The following ZNF550 variants were observed in gnomAD, a reference collection of about 807,000 sequenced individuals.
ZNF550 encodes zinc finger protein 550.
In ZNF550, 42 loss-of-function variants were observed where a neutral mutation model predicts 40.2. The observed-to-expected ratio is 1.05, with a 90% CI of 0.82 to 1.35. ZNF550 has a LOEUF of 1.35. Ranked by LOEUF, ZNF550 falls within the 40% of genes most tolerant of loss-of-function variation. The pLI, the probability that ZNF550 is intolerant of heterozygous loss-of-function variation, is 0.00. For missense variants in ZNF550, 549 were observed against 525.2 expected, an observed-to-expected ratio of 1.05 and a Z score of -0.44; for synonymous variants, 223 against 198.6, an observed-to-expected ratio of 1.12 and a Z score of -1.03.
At chr19:57,549,028 C>T (rs991144645) in intron 3 of ZNF550, among the ~76,000 whole-genome samples, 1 of 152,034 alleles carries the variant, frequency 6.6e-6, no homozygotes, top group African/African-American at 2.4e-5. Context: ...TAGGATCCTA[C>T]TCCATGGAGT....
At chr19:57,544,155 C>T in intron 4 of ZNF550, 1 of 985,392 alleles carries the variant, frequency 1.0e-6, no homozygotes, top group Non-Finnish European at 1.2e-6. Context: ...CCCAGCCATC[C>T]ACTGCATCCC....
chr19:57,543,152 C>T, exon 5 of ZNF550: 21 of 752,562 alleles, frequency 2.8e-5, no homozygotes, highest in South Asian at 6.1e-5. Flanking sequence ...TTCCTTCTTG[C>T]TTCTTTCATT....
intron 4 of ZNF550, chr19:57,544,524 G>C: frequency 1.0e-6 from 1 of 985,356 alleles, no homozygotes; most frequent in African/African-American, 1.7e-5. Flanking sequence ...GATGCAGGAG[G>C]GTGGGGGTCC....
exon 2 of ZNF550, chr19:57,556,329 A>G: frequency 6.2e-7 from 1 of 1,614,056 alleles, no homozygotes; most frequent in Non-Finnish European, 8.5e-7. Context: ...GGTAAAGGTC[A>G]CAGCCACATC....
rs187745266 is a variant in ZNF550 at position 57,552,994 on chromosome 19, G to A, written c.155-272C>T. On this transcript the variant is annotated intron_variant, in intron 2 of 4. Transcript: ENST00000457177. The stretch of plus-strand genomic sequence containing the variant: ...AATTAAAATTAAATGAGGCCACAAG[G>A]GTGGAGCCTTAATCTGATAAAATTA... The A allele has an allele frequency of 2.7e-4, 98 of 363,374 alleles. No homozygotes were observed. The East Asian group carries it at 2.9e-3, about 11-fold the overall frequency. 22.5% of individuals were successfully genotyped at this position (363,374 alleles called of 1,614,324 possible).
At chr19:57,558,652 T>A (rs1479084554) in intron 1 of ZNF550, among the ~76,000 whole-genome samples, 1 of 152,046 alleles carries the variant, frequency 6.6e-6, no homozygotes, top group Non-Finnish European at 1.5e-5. Context: ...CCAAAGAGAC[T>A]CTGGTCAGCT....
rs974319691 is a variant in ZNF550 at position 57,546,067 on chromosome 19, TTGCACATTTTAATGTGG to T, written c.*518+373_*518+389del. ...TCAAAGCCTTAAACAGTCTTAGGTATTGCACATTTTAATGTGGTGCACATTTTAATGTGGCCATCTGT... is the reference window on the plus strand; with the variant it reads ...TCAAAGCCTTAAACAGTCTTAGGTATTGCACATTTTAATGTGGCCATCTGT... On this transcript the variant is annotated intron_variant, in intron 4 of 4. Transcript: ENST00000457177. 1.3e-4 allele frequency among the ~76,000 whole-genome samples: 20 copies of T among 152,304 alleles called. No homozygotes were observed. The East Asian group carries it at 1.5e-3, about 12-fold the overall frequency.
intron 1 of ZNF550, among the ~76,000 whole-genome samples, chr19:57,558,986 A>G (rs2090145831): frequency 6.6e-6 from 1 of 152,164 alleles, no homozygotes; most frequent in African/African-American, 2.4e-5. Flanking sequence ...CTGAAAGACA[A>G]ATTCCTCAGC....
intron 1 of ZNF550, 159 bp from the exon 2 acceptor site, chr19:57,556,516 T>C: frequency 3.6e-6 from 3 of 836,442 alleles, no homozygotes; most frequent in Middle Eastern, 3.1e-4. Context: ...GGGAGGCAGA[T>C]ACTGCCTTTT....
At chr19:57,546,484 T>TA in exon 4 of ZNF550, 1 of 988,268 alleles carries the variant, frequency 1.0e-6, no homozygotes, top group Non-Finnish European at 1.2e-6. Context: ...CATAAGTTCA[T>TA]AGAGAAAATC....
At chr19:57,555,965 C>T (rs78542764) in intron 2 of ZNF550, 5,941 of 426,482 alleles carry the variant, frequency 0.014, 321 homozygotes, top group East Asian at 0.14. Context: ...GTGGCCACAG[C>T]TGACCCCACC....
chr19:57,559,590 C>T, intron 1 of ZNF550, 66 bp downstream of exon 1: 3 of 1,410,834 alleles, frequency 2.1e-6, no homozygotes, highest in Non-Finnish European at 2.8e-6. Flanking sequence ...AAACGCCGTC[C>T]TTCCGCTCGT....
chr19:57,551,184 A>T (rs1369434225), intron 3 of ZNF550, among the ~76,000 whole-genome samples: 2 of 152,202 alleles, frequency 1.3e-5, no homozygotes, highest in Non-Finnish European at 2.9e-5. Context: ...AAGAGAAGCC[A>T]AGTATGAGAC....
chr19:57,559,584 G>A (rs2090152153), intron 1 of ZNF550, 72 bp downstream of exon 1: 2 of 1,393,030 alleles, frequency 1.4e-6, no homozygotes, highest in East Asian at 2.8e-5. Context: ...ACCCTGAAAC[G>A]CCGTCCTTCC....
At chr19:57,560,815 A>G (rs922547460), upstream of ZNF550, among the ~76,000 whole-genome samples, 1 of 152,196 alleles carries the variant, frequency 6.6e-6, no homozygotes, top group African/African-American at 2.4e-5. Flanking sequence ...ATCTAGCGTC[A>G]TGGGACAGCC....
At position 57,543,369 on chromosome 19, in the gene ZNF550, T is replaced by C. The variant is rs76307110; in HGVS notation, c.*519-126A>G. On this transcript the variant is annotated intron_variant, in intron 4 of 4. Coordinates refer to ENST00000457177, the Ensembl canonical transcript of ZNF550. ...CTCTACACCCAAGGAGCAAATACCATTTAACTGGGTGAGGATCCTTCCAGA... is the reference window on the plus strand; with the variant it reads ...CTCTACACCCAAGGAGCAAATACCACTTAACTGGGTGAGGATCCTTCCAGA... 2,040 of 238,084 alleles carry C rather than the reference T, an allele frequency of 8.6e-3. 49 individuals are homozygous for C. Among genetic ancestry groups the C allele is most frequent in the African/African-American group, 0.044 (1,884 of 43,084 alleles). 14.7% of individuals were successfully genotyped at this position (238,084 alleles called of 1,614,324 possible). A position where few individuals can be genotyped will look rare whatever the true frequency, so the allele number is the denominator to read the frequency against.
chr19:57,553,588 T>G (rs909415337), intron 2 of ZNF550: 9 of 152,146 alleles, frequency 5.9e-5, no homozygotes, highest in African/African-American at 2.2e-4. Flanking sequence ...TGGCTAGTTT[T>G]TGTATTTTTA....
chr19:57,559,131 G>A (rs776457169), intron 1 of ZNF550, among the ~76,000 whole-genome samples: 1 of 152,132 alleles, frequency 6.6e-6, no homozygotes, highest in South Asian at 2.1e-4. Context: ...TGCTGGGGTT[G>A]AGTCTCCAAA....
intron 4 of ZNF550, among the ~76,000 whole-genome samples, chr19:57,545,964 G>C (rs1052908975): frequency 6.6e-6 from 1 of 152,166 alleles, no homozygotes; most frequent in African/African-American, 2.4e-5. Flanking sequence ...AGGGAACTAT[G>C]ATCATGCCAC....
Sources: gnomAD v4.1 joint callset for allele counts (sites outside exome capture counted in the v4.1 genomes callset) on GRCh38, gnomAD v4.1.1 for gene constraint, MANE v1.5 for transcripts, NCBI Gene and HGNC (gene_info 2026-07-23, HGNC 2026-07-21) for gene names.